The following NUP153 variants were observed in gnomAD, a reference collection of about 807,000 sequenced individuals.
The protein encoded by NUP153 is nuclear pore complex protein Nup153.
Under a neutral mutation model 134.6 loss-of-function variants are expected in NUP153, and 27 were observed. The observed-to-expected ratio is 0.20, with a 90% CI of 0.15 to 0.28. The LOEUF (loss-of-function observed/expected upper bound fraction) is 0.28. Among genes scored for constraint, NUP153 ranks in the 10% least tolerant of loss-of-function variants. The pLI is 1.00. For synonymous variants in NUP153, 640 were observed against 623.5 expected, an observed-to-expected ratio of 1.03 and a Z score of -0.40; for missense variants, 1,821 against 1,731.3, an observed-to-expected ratio of 1.05 and a Z score of -0.92.
At chr6:17,626,799 T>G (rs1002709181) in intron 18 of NUP153, among the ~76,000 whole-genome samples, 1 of 152,220 alleles carries the variant, frequency 6.6e-6, no homozygotes, top group African/African-American at 2.4e-5. Flanking sequence ...CCATGTGAAT[T>G]TTAGAATAAG....
chr6:17,662,877 CT>C (rs1767277820), intron 9 of NUP153, among the ~76,000 whole-genome samples: 1 of 152,126 alleles, frequency 6.6e-6, no homozygotes, highest in African/African-American at 2.4e-5. Flanking sequence ...TACAAAATAA[CT>C]GGCTTCTATA....
chr6:17,656,758 G>T (rs1254012867), intron 11 of NUP153, among the ~76,000 whole-genome samples: 3 of 152,206 alleles, frequency 2.0e-5, no homozygotes, highest in African/African-American at 7.2e-5. Flanking sequence ...AAAGGTTTAG[G>T]GGGTAGATTC....
At position 17,669,445 on chromosome 6, in the gene NUP153, C is replaced by T. The variant is rs769386920; in HGVS notation, c.954G>A (p.Met318Ile). The change falls in exon 6 of 22, where the codon ATG becomes ATA. Residue 318 changes from methionine (M) to isoleucine (I), a missense_variant. Met to Ile is a conservative substitution (Grantham distance 10). Coordinates refer to ENST00000262077, the MANE Select transcript of NUP153 (RefSeq NM_005124.4). ...ARRILQSLEK[M>I]SSPLADAKRI... Reference sequence around the variant, plus strand: ...AAAAATTTACCGCTAAAGGGCTTGACATCTTCTCTAAAGACTGCAATATTC... The same window carrying T: ...AAAAATTTACCGCTAAAGGGCTTGATATCTTCTCTAAAGACTGCAATATTC... The T allele has an allele frequency of 1.2e-5, 20 of 1,613,206 alleles. No homozygotes were observed. Among genetic ancestry groups the T allele is most frequent in the Non-Finnish European group, 1.7e-5 (20 of 1,179,264 alleles).
At chr6:17,643,448 G>C (rs964030443) in intron 14 of NUP153, among the ~76,000 whole-genome samples, 5 of 152,108 alleles carry the variant, frequency 3.3e-5, no homozygotes, top group Non-Finnish European at 1.5e-5. Flanking sequence ...CTCCAGCCTG[G>C]GTGACAGAAT....
intron 8 of NUP153, among the ~76,000 whole-genome samples, chr6:17,666,957 T>C (rs1767572535): frequency 6.6e-6 from 1 of 152,248 alleles, no homozygotes; most frequent in African/African-American, 2.4e-5. Flanking sequence ...AGAGAGTCTA[T>C]TTTGTAGACT....
chr6:17,664,368 T>C (rs1433511732), intron 9 of NUP153, among the ~76,000 whole-genome samples: 1 of 152,082 alleles, frequency 6.6e-6, no homozygotes, highest in Non-Finnish European at 1.5e-5. Flanking sequence ...AATAGGAGAA[T>C]TGTATGATAT....
chr6:17,693,551 C>T (rs1472883472), intron 1 of NUP153, among the ~76,000 whole-genome samples: 1 of 152,134 alleles, frequency 6.6e-6, no homozygotes, highest in Non-Finnish European at 1.5e-5. Context: ...GTATTTATTC[C>T]ATTAACCACC....
chr6:17,701,286 T>G (rs531154459), intron 1 of NUP153, among the ~76,000 whole-genome samples: 1 of 151,032 alleles, frequency 6.6e-6, no homozygotes, highest in East Asian at 2.0e-4. Context: ...TCCCAGCACT[T>G]TGAGAGGCCG....
At chr6:17,642,491 C>CA (rs997857543) in intron 14 of NUP153, among the ~76,000 whole-genome samples, 1 of 152,088 alleles carries the variant, frequency 6.6e-6, no homozygotes, top group Non-Finnish European at 1.5e-5. Context: ...AAATGCAAAT[C>CA]AAAACTACAA....
Position 17,632,824 on chromosome 6 carries a change from T to C in NUP153, c.2485A>G (p.Ser829Gly), listed in dbSNP as rs754181067. The change falls in exon 17 of 22, where the codon AGT becomes GGT. Residue 829 changes from serine (S) to glycine (G), a missense_variant. By Grantham distance (56) the Ser-to-Gly change is moderately conservative (BLOSUM62 0). Transcript: ENST00000262077. ...EKPGSSVPAS[S>G]SSTVPVSLPS... ...AGAGAGACAGGTACAGTGCTGCTAC[T>C]TGAAGCAGGTACTGAACTTCCTAAA... 3.3e-6 allele frequency: 5 copies of C among 1,517,396 alleles called. No individual in the cohort carries two copies. The highest frequency in any genetic ancestry group is 4.5e-6 in the Non-Finnish European group (5 of 1,120,276). The allele number at this position is 1,517,396 out of a possible 1,614,324, so 94.0% of individuals were successfully genotyped here.
At chr6:17,701,847 A>AGGGGGGGGGGGG (rs1554148736) in intron 1 of NUP153, among the ~76,000 whole-genome samples, 3 of 78,048 alleles carry the variant, frequency 3.8e-5, no homozygotes, top group Non-Finnish European at 8.9e-5. Flanking sequence ...GGGGGGGGAA[A>AGGGGGGGGGGGG]AAAGCTAAAT....
intron 11 of NUP153, chr6:17,652,051 A>G: frequency 2.6e-6 from 1 of 379,172 alleles, no homozygotes; most frequent in East Asian, 3.7e-5. Context: ...TCTCATCTCA[A>G]AAATAAATAA....
chr6:17,694,454 T>TTCAAGACCAGCC (rs1769502100), intron 1 of NUP153, among the ~76,000 whole-genome samples: 1 of 151,406 alleles, frequency 6.6e-6, no homozygotes, highest in Non-Finnish European at 1.5e-5. Context: ...AGGTCAAGAG[T>TTCAAGACCAGCC]TCAAGACCAG....
At chr6:17,679,937 C>T (rs1263165165) in intron 2 of NUP153, among the ~76,000 whole-genome samples, 5 of 152,156 alleles carry the variant, frequency 3.3e-5, no homozygotes, top group African/African-American at 9.7e-5. Flanking sequence ...TTGTTGCCAC[C>T]GGCCAGACCA....
At chr6:17,648,625 A>T (rs1766340499) in intron 12 of NUP153, among the ~76,000 whole-genome samples, 1 of 152,066 alleles carries the variant, frequency 6.6e-6, no homozygotes, top group Non-Finnish European at 1.5e-5. Context: ...TGAAAAAATA[A>T]ATAAATATTT....
intron 2 of NUP153, among the ~76,000 whole-genome samples, chr6:17,678,352 C>CAAAAAAAAAAAAAAAAAAAAAAAAA (rs11428582): frequency 8.8e-5 from 6 of 68,222 alleles, no homozygotes; most frequent in African/African-American, 1.3e-4. Flanking sequence ...CCCTCTGTCT[C>CAAAAAAAAAAAAAAAAAAAAAAAAA]AAAAAAAAAA....
intron 2 of NUP153, among the ~76,000 whole-genome samples, chr6:17,682,097 C>T (rs1364090553): frequency 6.6e-6 from 1 of 152,134 alleles, no homozygotes; most frequent in African/African-American, 2.4e-5. Flanking sequence ...GTAGTCCCAG[C>T]TACCTGGGAG....
chr6:17,629,731 C>T (rs1213248799), intron 17 of NUP153, among the ~76,000 whole-genome samples, 192 bp from the exon 18 acceptor site: 2 of 152,150 alleles, frequency 1.3e-5, no homozygotes, highest in South Asian at 4.1e-4. Context: ...TATCTCAATC[C>T]TCACAACTAT....
chr6:17,654,727 C>T (rs1487134245), intron 11 of NUP153, among the ~76,000 whole-genome samples: 1 of 152,184 alleles, frequency 6.6e-6, no homozygotes. Context: ...AAGAATTCTG[C>T]TAACTTGATG....
Sources: allele counts gnomAD v4.1 joint callset (sites outside exome capture counted in the v4.1 genomes callset), GRCh38; gene constraint gnomAD v4.1.1; transcripts MANE v1.5; gene names NCBI Gene and HGNC (gene_info 2026-07-23, HGNC 2026-07-21).